Variants in CPLANE1 observed in about 807,000 individuals in gnomAD.
CPLANE1 encodes ciliogenesis and planar polarity effector complex subunit 1.
In CPLANE1, 263 loss-of-function variants were observed where a neutral mutation model predicts 362.5. The ratio of observed to expected loss-of-function variants is 0.73; its 90% CI spans 0.66 to 0.80. The LOEUF (loss-of-function observed/expected upper bound fraction) is 0.80. Among genes scored for constraint, CPLANE1 ranks in the 30% least tolerant of loss-of-function variants. CPLANE1 has a pLI of 0.00. For synonymous variants in CPLANE1, 1,212 were observed against 1,302.6 expected, an observed-to-expected ratio of 0.93 and a Z score of 1.50; for missense variants, 3,461 against 3,793.4, an observed-to-expected ratio of 0.91 and a Z score of 2.30.
intron 43 of CPLANE1, among the ~76,000 whole-genome samples, chr5:37,144,633 C>T (rs1770947211): frequency 6.6e-6 from 1 of 151,654 alleles, no homozygotes; most frequent in Middle Eastern, 3.5e-3. Context: ...AGGCGGATCA[C>T]GAGGTCAGGA....
At chr5:37,204,213 T>C (rs553251839) in intron 18 of CPLANE1, among the ~76,000 whole-genome samples, 19 of 152,312 alleles carry the variant, frequency 1.2e-4, no homozygotes, top group African/African-American at 4.3e-4. Context: ...GAAAAGTTTA[T>C]AGTCAGATTT....
chr5:37,157,549 G>A, intron 40 of CPLANE1, 121 bp downstream of exon 40: 2 of 1,119,292 alleles, frequency 1.8e-6, no homozygotes, highest in Non-Finnish European at 2.6e-6. Flanking sequence ...TTCTGTGCAT[G>A]TAAACATCCA....
chr5:37,106,627 A>C lies in CPLANE1; in HGVS notation c.*975T>G. On this transcript the variant is annotated 3_prime_UTR_variant, in exon 53 of 53. Coordinates refer to ENST00000651892, the MANE Select transcript of CPLANE1 (RefSeq NM_001384732.1). The stretch of plus-strand genomic sequence containing the variant: ...GGTAAGGAGAGTAGCATTGTTTTAT[A>C]GTTCTACAAATCTCTTTAATGTTTA... 1 of 367,388 alleles carries C rather than the reference A, an allele frequency of 2.7e-6. No individual in the cohort carries two copies. The highest frequency in any genetic ancestry group is 3.8e-6 in the Non-Finnish European group (1 of 265,098). 22.8% of individuals were successfully genotyped at this position (367,388 alleles called of 1,614,324 possible). A position where few individuals can be genotyped will look rare whatever the true frequency, so the allele number is the denominator to read the frequency against.
intron 41 of CPLANE1, among the ~76,000 whole-genome samples, chr5:37,155,309 T>C (rs772745262): frequency 1.1e-4 from 17 of 152,256 alleles, no homozygotes; most frequent in African/African-American, 3.6e-4. Flanking sequence ...GCTTCATCTC[T>C]TGCTATTTCT....
chr5:37,154,278 T>C (rs1774386329), intron 41 of CPLANE1, among the ~76,000 whole-genome samples: 1 of 152,094 alleles, frequency 6.6e-6, no homozygotes, highest in Non-Finnish European at 1.5e-5. Flanking sequence ...TTTTTATGAC[T>C]TTTTCAAATT....
chr5:37,134,140 T>C (rs758794750), intron 46 of CPLANE1, among the ~76,000 whole-genome samples: 3 of 152,176 alleles, frequency 2.0e-5, no homozygotes, highest in Non-Finnish European at 2.9e-5. Flanking sequence ...GGTATCAGGG[T>C]GATGTCACCT....
At chr5:37,186,912 TTAGCCGGGCGTGTTG>T (rs924413692) in intron 23 of CPLANE1, among the ~76,000 whole-genome samples, 2 of 151,770 alleles carry the variant, frequency 1.3e-5, no homozygotes, top group Admixed American at 1.3e-4. Context: ...ATACAAAAAA[TTAGCCGGGCGTGTTG>T]GCGGGAGCCT....
intron 9 of CPLANE1, among the ~76,000 whole-genome samples, chr5:37,228,937 G>A (rs1348106961): frequency 6.6e-6 from 1 of 152,142 alleles, no homozygotes; most frequent in African/African-American, 2.4e-5. Context: ...GAAGTGACAC[G>A]TTTTTCCATT....
intron 46 of CPLANE1, among the ~76,000 whole-genome samples, chr5:37,134,255 A>T (rs1361855268): frequency 6.6e-6 from 1 of 152,142 alleles, no homozygotes; most frequent in Non-Finnish European, 1.5e-5. Context: ...TTGGCTGTGA[A>T]TCCATCTGGT....
intron 9 of CPLANE1, among the ~76,000 whole-genome samples, chr5:37,229,849 T>C (rs903807970): frequency 3.3e-5 from 5 of 152,122 alleles, no homozygotes; most frequent in African/African-American, 9.7e-5. Context: ...GCTTAAAGAA[T>C]AACTCTTCTG....
intron 16 of CPLANE1, chr5:37,210,695 A>G (rs1315533849): frequency 8.2e-6 from 13 of 1,576,080 alleles, no homozygotes. Flanking sequence ...AAGAAGAGAG[A>G]CTGGAGCTTC....
At chr5:37,149,466 C>T (rs142763935) in intron 42 of CPLANE1, among the ~76,000 whole-genome samples, 4 of 152,264 alleles carry the variant, frequency 2.6e-5, no homozygotes, top group Admixed American at 2.0e-4. Flanking sequence ...AGTACAGATG[C>T]AACCATCCTT....
chr5:37,108,777 T>G (rs908003195), intron 51 of CPLANE1, among the ~76,000 whole-genome samples: 2 of 152,182 alleles, frequency 1.3e-5, no homozygotes, highest in African/African-American at 4.8e-5. Context: ...ACACCAAAGT[T>G]GGGTGAACTC....
At chr5:37,176,387 G>A (rs1331489255) in intron 30 of CPLANE1, among the ~76,000 whole-genome samples, 1 of 152,010 alleles carries the variant, frequency 6.6e-6, no homozygotes, top group East Asian at 1.9e-4. Flanking sequence ...TGTAATCCCA[G>A]CACTGTGGGA....
At position 37,130,114 on chromosome 5, in the gene CPLANE1, A is replaced by G. The variant is rs1765345969; in HGVS notation, c.8793-4705T>C. On this transcript the variant is annotated intron_variant, in intron 46 of 52. Transcript: ENST00000651892. Reference sequence around the variant, plus strand: ...TTCGCAGCAACCTGGATGGAATTGGAGACCATTATCCTAAGTGAAATAACT... The same window carrying G: ...TTCGCAGCAACCTGGATGGAATTGGGGACCATTATCCTAAGTGAAATAACT... Among the ~76,000 whole-genome samples the G allele has an allele frequency of 2.0e-5, 3 of 152,220 alleles. No individual in the cohort carries two copies. The South Asian group carries it at 6.2e-4, about 32-fold the overall frequency.
intron 16 of CPLANE1, chr5:37,211,839 G>T: frequency 1.3e-6 from 1 of 798,174 alleles, no homozygotes; most frequent in Non-Finnish European, 2.3e-6. Flanking sequence ...CGAGGAATTT[G>T]AATCATCTTT....
chr5:37,121,705 G>A lies in CPLANE1; in HGVS notation c.9097C>T (p.Gln3033Ter). ...GGTTTCTGTGGTAGAGTTGGTAGCT[G>A]TACTGACTCAGATAACAGTTCATTC... Reference protein sequence around the residue: ...LMNELLSESVQLPTLPQKPLP... With the variant: ...LMNELLSESV The change falls in exon 49 of 53, where the codon CAG becomes TAG. Residue 3033 changes from glutamine to a stop codon, truncating the protein, a stop_gained. Transcript: ENST00000651892. LOFTEE classifies it high-confidence loss of function. The A allele has an allele frequency of 5.6e-6, 9 of 1,613,654 alleles. No individual in the cohort carries two copies. The highest frequency in any genetic ancestry group is 5.9e-6 in the Non-Finnish European group (7 of 1,179,528).
chr5:37,151,297 C>T (rs1006157849), intron 42 of CPLANE1, among the ~76,000 whole-genome samples: 4 of 152,190 alleles, frequency 2.6e-5, no homozygotes, highest in East Asian at 1.9e-4. Context: ...ATTACCAGCT[C>T]GAGTCACCTC....
chr5:37,100,537 T>C, the CPLANE1 span, among the ~76,000 whole-genome samples: 1 of 152,228 alleles, frequency 6.6e-6, no homozygotes, highest in Non-Finnish European at 1.5e-5. Flanking sequence ...TGAAGTCAGG[T>C]AGCATGATGC....
Sources: gnomAD v4.1 joint callset for allele counts (sites outside exome capture counted in the v4.1 genomes callset) on GRCh38, gnomAD v4.1.1 for gene constraint, MANE v1.5 for transcripts, NCBI Gene and HGNC (gene_info 2026-07-23, HGNC 2026-07-21) for gene names.